TMPRSS11A: variants seen among roughly 807,000 people sequenced by gnomAD.
TMPRSS11A encodes the protein transmembrane protease serine 11A.
In TMPRSS11A, 53 loss-of-function variants were observed where a neutral mutation model predicts 58.9. That is an observed-to-expected ratio of 0.90 (90% CI 0.72 to 1.13). TMPRSS11A has a LOEUF of 1.13. Ranked by LOEUF, TMPRSS11A falls within the 50% of genes most tolerant of loss-of-function variation. The pLI is 0.00. For synonymous variants in TMPRSS11A, 167 were observed against 169.8 expected (o/e 0.98, Z 0.13); for missense variants, 493 against 499.3 (o/e 0.99, Z 0.12).
At chr4:67,955,709 C>A (rs1286765012) in intron 1 of TMPRSS11A, among the ~76,000 whole-genome samples, 2 of 152,126 alleles carry the variant, frequency 1.3e-5, no homozygotes, top group African/African-American at 4.8e-5. Flanking sequence ...TAGTGGGCCT[C>A]TACTATATCT....
Position 67,915,222 on chromosome 4 carries a change from T to A in TMPRSS11A, c.953-492A>T, listed in dbSNP as rs116079298. Among the ~76,000 whole-genome samples, 422 of 152,214 alleles carry A rather than the reference T, an allele frequency of 2.8e-3. 1 individual carries two copies. Among genetic ancestry groups the A allele is most frequent in the Middle Eastern group, 0.014 (4 of 292 alleles). ...ATATTATACATCATATATATATAAATGCATTAAACGGCAATGATTTCACTT... is the reference window on the plus strand; with the variant it reads ...ATATTATACATCATATATATATAAAAGCATTAAACGGCAATGATTTCACTT... On this transcript the variant is annotated intron_variant, in intron 8 of 9. Transcript: ENST00000508048.
chr4:67,936,861 C>G (rs551468131), intron 3 of TMPRSS11A, among the ~76,000 whole-genome samples: 1 of 152,196 alleles, frequency 6.6e-6, no homozygotes, highest in African/African-American at 2.4e-5. Context: ...CAACAAAAAC[C>G]TAGATCTTTG....
At chr4:67,930,118 C>T (rs1720573962) in intron 4 of TMPRSS11A, 78 bp from the exon 5 acceptor site, 2 of 1,336,996 alleles carry the variant, frequency 1.5e-6, no homozygotes, top group South Asian at 1.5e-5. Flanking sequence ...TATCTTCCTC[C>T]CCTGAATGAT....
chr4:67,930,027 C>T lies in TMPRSS11A; in HGVS notation c.334G>A (p.Gly112Ser). 3 of 1,612,040 alleles carry T rather than the reference C, an allele frequency of 1.9e-6. No individual in the cohort carries two copies. The highest frequency in any genetic ancestry group is 2.5e-6 in the Non-Finnish European group (3 of 1,178,812). ...QVVRLTPEED[G>S]VKVDVIMVFQ... ...ACCATAATGACATCTACTTTCACAC[C>T]ATCTTCCTCTGGACTGTGACACACA... is the stretch of plus-strand genomic sequence containing the variant. The change falls in exon 5 of 10, where the codon GGT becomes AGT. Residue 112 changes from glycine to serine, a missense_variant. Physicochemically the swap from Gly to Ser is moderately conservative, Grantham distance 56. Coordinates refer to ENST00000508048, the MANE Select transcript of TMPRSS11A (RefSeq NM_001114387.2).
At chr4:67,929,247 C>G (rs900535718) in intron 5 of TMPRSS11A, among the ~76,000 whole-genome samples, 1 of 151,934 alleles carries the variant, frequency 6.6e-6, no homozygotes, top group Non-Finnish European at 1.5e-5. Flanking sequence ...TAGAGATAGA[C>G]CTTGATAAAG....
chr4:67,915,825 A>G (rs2109733816), intron 8 of TMPRSS11A, among the ~76,000 whole-genome samples: 1 of 152,282 alleles, frequency 6.6e-6, no homozygotes, highest in Middle Eastern at 3.4e-3. Context: ...TGAGAAGAGG[A>G]CTCAACTAAG....
chr4:67,918,590 T>A (rs1011666101), intron 8 of TMPRSS11A, among the ~76,000 whole-genome samples: 105 of 152,302 alleles, frequency 6.9e-4, no homozygotes, highest in African/African-American at 2.4e-3. Context: ...GGATGATGTG[T>A]TGAGGTGTTG....
In TMPRSS11A at chr4:67,932,011, T is replaced by C. The variant is rs770029009; in HGVS notation, c.302A>G (p.Asn101Ser). The C allele has an allele frequency of 6.2e-7, 1 of 1,604,500 alleles. No homozygotes were observed. Among genetic ancestry groups the C allele is most frequent in the Non-Finnish European group, 8.5e-7 (1 of 1,171,568 alleles). ...DSAWKKNYIKNQVVRLTPEED... is the reference protein window; with the variant it reads ...DSAWKKNYIKSQVVRLTPEED... ...TACATACGTCAGTCTGACTACTTGG[T>C]TCTTGATATAATTTTTCTTCCAGGC... Residue 101 changes from asparagine to serine, a missense_variant, in exon 4 of 10, where the codon AAC becomes AGC. Physicochemically the swap from Asn to Ser is conservative, Grantham distance 46. Coordinates refer to ENST00000508048, the MANE Select transcript of TMPRSS11A (RefSeq NM_001114387.2).
chr4:67,957,864 C>G (rs1721325117), intron 1 of TMPRSS11A, among the ~76,000 whole-genome samples: 2 of 152,094 alleles, frequency 1.3e-5, no homozygotes, highest in South Asian at 2.1e-4. Flanking sequence ...GTCCAGGGTC[C>G]CTCTGCTGTG....
intron 6 of TMPRSS11A, 107 bp from the exon 7 acceptor site, chr4:67,923,033 C>A: frequency 1.0e-6 from 1 of 991,400 alleles, no homozygotes; most frequent in Admixed American, 2.1e-5. Flanking sequence ...TCCTCCTGCC[C>A]AGGACACTTA....
chr4:67,923,021 A>T lies in TMPRSS11A; in HGVS notation c.521-95T>A, dbSNP rs367726985. ...TTGCCTGAAGACATTTTCGTATACTACTCCTCCTGCCCAGGACACTTACCC... is the reference window on the plus strand; with the variant it reads ...TTGCCTGAAGACATTTTCGTATACTTCTCCTCCTGCCCAGGACACTTACCC... On this transcript the variant is annotated intron_variant, in intron 6 of 9. Coordinates refer to ENST00000508048, the MANE Select transcript of TMPRSS11A (RefSeq NM_001114387.2). 43 of 1,180,732 alleles carry T rather than the reference A, an allele frequency of 3.6e-5. No homozygotes were observed. The African/African-American group carries it at 5.3e-4, about 15-fold the overall frequency. The allele number at this position is 1,180,732 out of a possible 1,614,324, so 73.1% of individuals were successfully genotyped here. A position where few individuals can be genotyped will look rare whatever the true frequency, so the allele number is the denominator to read the frequency against.
At chr4:67,929,794 T>C (rs1159101737) in intron 5 of TMPRSS11A, 86 bp downstream of exon 5, 2 of 1,225,312 alleles carry the variant, frequency 1.6e-6, no homozygotes, top group South Asian at 1.7e-5. Flanking sequence ...TTATTTGAAA[T>C]GGAAATAATG....
chr4:67,932,088 T>C (rs374454980), intron 3 of TMPRSS11A, 28 bp from the exon 4 acceptor site: 9 of 1,293,866 alleles, frequency 7.0e-6, no homozygotes, highest in Non-Finnish European at 1.0e-5. Context: ...AGAAACTATG[T>C]GTTAATAATA....
chr4:67,960,000 T>C (rs780424578), intron 1 of TMPRSS11A, among the ~76,000 whole-genome samples: 3 of 152,204 alleles, frequency 2.0e-5, no homozygotes, highest in African/African-American at 4.8e-5. Flanking sequence ...AAAAAATGTA[T>C]GTCCTTTGCA....
In TMPRSS11A at chr4:67,922,230, G is replaced by T. The variant is rs115806517; in HGVS notation, c.692+525C>A. ...ATCATGCTAGCAATCTCTCATTTTG[G>T]TTGTAAACTGTTCTGATTCCACAGA... On this transcript the variant is annotated intron_variant, in intron 7 of 9. Coordinates refer to ENST00000508048, the MANE Select transcript of TMPRSS11A (RefSeq NM_001114387.2). Among the ~76,000 whole-genome samples, 399 of 152,254 alleles carry T rather than the reference G, an allele frequency of 2.6e-3. 2 individuals are homozygous for T. The highest frequency in any genetic ancestry group is 9.0e-3 in the African/African-American group (373 of 41,556).
intron 8 of TMPRSS11A, among the ~76,000 whole-genome samples, 165 bp from the exon 9 acceptor site, chr4:67,914,895 T>C (rs1720106815): frequency 6.6e-6 from 1 of 152,198 alleles, no homozygotes; most frequent in Admixed American, 6.5e-5. Context: ...ATCTGGCACA[T>C]CTAACGATAA....
Position 67,954,544 on chromosome 4 carries a change from C to T in TMPRSS11A, c.12-7973G>A, listed in dbSNP as rs538632452. On this transcript the variant is annotated intron_variant, in intron 1 of 9. Transcript: ENST00000508048. ...ATCCTGAGCTATGACTGGCATTTAA[C>T]TCCCTCTCACCTTGAGATATTAGCA... is the stretch of plus-strand genomic sequence containing the variant. 2.6e-5 allele frequency among the ~76,000 whole-genome samples: 4 copies of T among 152,366 alleles called. No homozygotes were observed. The South Asian group carries it at 8.3e-4, about 32-fold the overall frequency.
Position 67,944,572 on chromosome 4 carries a change from C to T in TMPRSS11A, c.199G>A (p.Gly67Arg), listed in dbSNP as rs369414894. 60 of 1,612,726 alleles carry T rather than the reference C, an allele frequency of 3.7e-5. No homozygotes were observed. Among genetic ancestry groups the T allele is most frequent in the South Asian group, 6.6e-5 (6 of 91,000 alleles). The change falls in exon 3 of 10, where the codon GGA becomes AGA. Residue 67 changes from glycine (G) to arginine (R), a missense_variant. Coordinates refer to ENST00000508048, the MANE Select transcript of TMPRSS11A (RefSeq NM_001114387.2). ...TTAAGTTGATATGTGTTGCTTTGTCCGAAATTGTTATTGATTTGTGGATCT... is the reference window on the plus strand; with the variant it reads ...TTAAGTTGATATGTGTTGCTTTGTCTGAAATTGTTATTGATTTGTGGATCT... The part of the protein sequence containing the change: ...ILDPQINNNF[G>R]QSNTYQLKDL...
chr4:67,916,989 C>G (rs1720174982), intron 8 of TMPRSS11A, among the ~76,000 whole-genome samples: 1 of 152,122 alleles, frequency 6.6e-6, no homozygotes, highest in African/African-American at 2.4e-5. Context: ...AAGCATAGCC[C>G]ATAAATTCTG....
Sources: gnomAD v4.1 joint callset for allele counts (sites outside exome capture counted in the v4.1 genomes callset) on GRCh38, gnomAD v4.1.1 for gene constraint, MANE v1.5 for transcripts, NCBI Gene and HGNC (gene_info 2026-07-23, HGNC 2026-07-21) for gene names.